The following RTEL1 variants were observed in gnomAD, a reference collection of about 807,000 sequenced individuals.
The protein encoded by RTEL1 is regulator of telomere elongation helicase 1.
A neutral mutation model predicts 162.2 loss-of-function variants in RTEL1; 86 were observed. The observed-to-expected ratio is 0.53, with a 90% confidence interval of 0.45 to 0.63. The LOEUF (loss-of-function observed/expected upper bound fraction) is 0.63. RTEL1 is among the 30% of genes least tolerant of loss of function. The pLI, the probability that RTEL1 is intolerant of heterozygous loss-of-function variation, is 0.00. For missense variants in RTEL1, 1,941 were observed against 1,750.2 expected (o/e 1.11, Z -1.95); for synonymous variants, 958 against 717.9 (o/e 1.33, Z -5.35).
chr20:63,678,211 C>A (rs759077039), intron 11 of RTEL1, 28 bp downstream of exon 11: 4 of 1,613,482 alleles, frequency 2.5e-6, no homozygotes, highest in Non-Finnish European at 3.4e-6. Flanking sequence ...CGCCTCCTTG[C>A]AGCTGGGTGG....
intron 13 of RTEL1, among the ~76,000 whole-genome samples, chr20:63,680,311 G>A (rs2090454171): frequency 6.6e-6 from 1 of 152,232 alleles, no homozygotes; most frequent in Admixed American, 6.5e-5. Flanking sequence ...GTGTCCCCAT[G>A]GGCTGCTCTG....
intron 26 of RTEL1, 99 bp from the exon 27 acceptor site, chr20:63,690,706 C>T: frequency 7.3e-7 from 1 of 1,370,264 alleles, no homozygotes; most frequent in Non-Finnish European, 9.8e-7. Flanking sequence ...GGCAGGACCC[C>T]AAGTGCTGGG....
At chr20:63,694,671 G>C in intron 31 of RTEL1, 70 bp from the exon 32 acceptor site, 3 of 1,380,488 alleles carry the variant, frequency 2.2e-6, no homozygotes, top group Non-Finnish European at 2.9e-6. Flanking sequence ...TGGAGGAAGG[G>C]CGGGCAGGGC....
chr20:63,686,224 C>T, intron 16 of RTEL1: 1 of 349,548 alleles, frequency 2.9e-6, no homozygotes, highest in Non-Finnish European at 5.4e-6. Context: ...TGCCTCCACG[C>T]AGCGCCTGGC....
intron 21 of RTEL1, 74 bp from the exon 22 acceptor site, chr20:63,688,981 C>A: frequency 7.6e-7 from 1 of 1,309,550 alleles, no homozygotes; most frequent in Non-Finnish European, 1.1e-6. Flanking sequence ...GAGCATGAGA[C>A]CTGGGTCTCC....
At chr20:63,690,673 C>A (rs377672535) in intron 26 of RTEL1, 132 bp from the exon 27 acceptor site, 4 of 1,111,628 alleles carry the variant, frequency 3.6e-6, no homozygotes, top group Non-Finnish European at 5.0e-6. Flanking sequence ...AGACTCCCCC[C>A]AATAGCAGGG....
At chr20:63,688,480 TCGG>T in intron 20 of RTEL1, 45 bp from the exon 21 acceptor site, 1 of 1,606,632 alleles carries the variant, frequency 6.2e-7, no homozygotes, top group Middle Eastern at 1.7e-4. Context: ...CCTCATCGGA[TCGG>T]CGGCGTGACC....
At chr20:63,665,931 C>T (rs950362592) in intron 6 of RTEL1, 73 bp from the exon 7 acceptor site, 5 of 1,445,560 alleles carry the variant, frequency 3.5e-6, no homozygotes, top group African/African-American at 1.4e-5. Context: ...CCGTTCTGTC[C>T]TGGGCATCCC....
rs2090805930 is a variant in RTEL1, at chr20:63,693,222, C to T, written c.2931C>T (p.Gly977=). The T allele has an allele frequency of 1.2e-6, 2 of 1,612,146 alleles. No individual in the cohort carries two copies. The highest frequency in any genetic ancestry group is 1.1e-5 in the South Asian group (1 of 91,092). The change falls in exon 30 of 35, where the codon GGC becomes GGT. Residue 977 remains glycine (G), a synonymous_variant. Coordinates refer to ENST00000360203, the MANE Select transcript of RTEL1 (RefSeq NM_001283009.2). ...TCCAGCTGACAGGACGAGGCTGTGG[C>T]TATCGGCCTGAGCACAGCATTCCCC... ...VCIQLTGRGC[G]YRPEHSIPRR...
At chr20:63,681,205 G>A (rs577232509) in intron 14 of RTEL1, 106 of 985,292 alleles carry the variant, frequency 1.1e-4, no homozygotes, top group Middle Eastern at 5.2e-4. Flanking sequence ...CATTGGCCCC[G>A]TCCTGTCCTG....
At position 63,695,479 on chromosome 20, in the gene RTEL1, G is replaced by A; in HGVS notation, c.3651G>A (p.Trp1217Ter). ...GPPHGPAASE[W>*]GEPHGRDIAG... ...CCCACGGGCCTGCAGCATCTGAGTG[G>A]GGTGAGCCTCATGGGAGAGACATCG... Residue 1217 changes from tryptophan (W) to a stop codon, truncating the protein, a stop_gained, in exon 34 of 35, where the codon TGG becomes TGA. Coordinates refer to ENST00000360203, the MANE Select transcript of RTEL1 (RefSeq NM_001283009.2). LOFTEE classifies it high-confidence loss of function. 1 of 1,607,304 alleles carries A rather than the reference G, an allele frequency of 6.2e-7. No individual in the cohort carries two copies.
chr20:63,662,383 G>A (rs978452884), intron 4 of RTEL1, 163 bp from the exon 5 acceptor site: 26 of 1,436,090 alleles, frequency 1.8e-5, no homozygotes, highest in Non-Finnish European at 2.4e-5. Flanking sequence ...CAGTACCCCC[G>A]CTCGTCTTCT....
intron 10 of RTEL1, among the ~76,000 whole-genome samples, chr20:63,677,184 C>T (rs1172662865): frequency 6.6e-6 from 1 of 152,238 alleles, no homozygotes; most frequent in African/African-American, 2.4e-5. Flanking sequence ...GCCCTGCTTT[C>T]TTTTCCTGCA....
At chr20:63,692,575 C>G (rs2090775734) in intron 28 of RTEL1, 1 of 587,546 alleles carries the variant, frequency 1.7e-6, no homozygotes, top group Non-Finnish European at 3.0e-6. Context: ...ATTCACTGCT[C>G]TCAGTTCCCT....
Position 63,694,988 on chromosome 20 carries a change from G to T in RTEL1, c.3343+14G>T, listed in dbSNP as rs769816215. On this transcript the variant is annotated intron_variant, in intron 32 of 34. Coordinates refer to ENST00000360203, the MANE Select transcript of RTEL1 (RefSeq NM_001283009.2). ...CCCTGCTGCACAGCAAGTGGCCCTG[G>T]CGTGGGGAACAGCCGGTGGGGTGGG... is the stretch of plus-strand genomic sequence containing the variant. 5 of 1,611,608 alleles carry T rather than the reference G, an allele frequency of 3.1e-6. No homozygotes were observed. The Admixed American group carries it at 8.3e-5, about 27-fold the overall frequency.
rs78047065 is a variant in RTEL1, at chr20:63,693,717, A to T, written c.2992+434A>T. Among the ~76,000 whole-genome samples, 8 of 6,096 alleles carry T rather than the reference A, an allele frequency of 1.3e-3. 2 individuals are homozygous for T. Among genetic ancestry groups the T allele is most frequent in the African/African-American group, 3.5e-3 (2 of 574 alleles). 4.0% of individuals were successfully genotyped at this position (6,096 alleles called of 152,430 possible). Reference sequence around the variant, plus strand: ...CACCACCACCACCTCCACCACCACCACCTGCACCACCACCTCCACCTCCAC... The same window carrying T: ...CACCACCACCACCTCCACCACCACCTCCTGCACCACCACCTCCACCTCCAC... On this transcript the variant is annotated intron_variant, in intron 30 of 34. Coordinates refer to ENST00000360203, the MANE Select transcript of RTEL1 (RefSeq NM_001283009.2).
intron 14 of RTEL1, chr20:63,681,940 G>A: frequency 1.0e-6 from 1 of 985,418 alleles, no homozygotes; most frequent in Non-Finnish European, 1.2e-6. Context: ...CGCATGGAGT[G>A]TGGTTGGCTC....
intron 6 of RTEL1, among the ~76,000 whole-genome samples, chr20:63,663,929 T>C (rs919569671): frequency 1.3e-5 from 2 of 152,160 alleles, no homozygotes; most frequent in Non-Finnish European, 2.9e-5. Context: ...TTCTGGGCCC[T>C]GGCCCTTGGA....
chr20:63,667,601 C>T (rs1423186341), intron 8 of RTEL1, 48 bp downstream of exon 8: 2 of 1,489,286 alleles, frequency 1.3e-6, no homozygotes, highest in Non-Finnish European at 9.4e-7. Context: ...CCAGGGGTGT[C>T]CCTGGGCTTG....
Sources: allele counts gnomAD v4.1 joint callset (sites outside exome capture counted in the v4.1 genomes callset), GRCh38; gene constraint gnomAD v4.1.1; transcripts MANE v1.5; gene names NCBI Gene and HGNC (gene_info 2026-07-23, HGNC 2026-07-21).